The following KRT10 variants were observed in gnomAD, a reference collection of about 807,000 sequenced individuals.
KRT10 encodes keratin, type I cytoskeletal 10.
Under a neutral mutation model 59.2 loss-of-function variants are expected in KRT10, and 40 were observed. The observed-to-expected ratio is 0.68, with a 90% confidence interval of 0.52 to 0.88. KRT10 has a LOEUF of 0.88. Ranked by LOEUF, KRT10 falls within the 40% of genes least tolerant of loss-of-function variation. The pLI, the probability that KRT10 is intolerant of heterozygous loss-of-function variation, is 0.00. For missense variants in KRT10, 719 were observed against 749.1 expected (o/e 0.96, Z 0.47); for synonymous variants, 336 against 310.7 (o/e 1.08, Z -0.86).
rs1386144303 is a variant in KRT10, at chr17:40,819,112, C to T, written c.1423G>A (p.Gly475Ser). Residue 475 changes from glycine (G) to serine (S), a missense_variant, in exon 7 of 8, where the codon GGC (glycine) becomes AGC (serine). Around this residue, in one of 4 missense-constraint regions of KRT10, gnomAD observed 315 missense variants for 270.6 expected, o/e 1.16. Transcript: ENST00000269576. ...GAGCTTCCGCCGCCGGAGCTTCCGC[C>T]GCCGTAGCCGCCGCCGAAACTTCCG... ...GGGSFGGGYGGGSSGGGSSGG... is the reference protein window; with the variant it reads ...GGGSFGGGYGSGSSGGGSSGG... 3 of 1,494,230 alleles carry T rather than the reference C, an allele frequency of 2.0e-6. No individual in the cohort carries two copies. The highest frequency in any genetic ancestry group is 1.2e-5 in the South Asian group (1 of 80,776). 92.6% of individuals were successfully genotyped at this position (1,494,230 alleles called of 1,614,324 possible). A position where few individuals can be genotyped will look rare whatever the true frequency, so the allele number is the denominator to read the frequency against.
In KRT10 at chr17:40,819,107, T is replaced by TGG. The variant is rs1905221974; in HGVS notation, c.1427_1428insCC (p.Ser477GlnfsTer143). On this transcript the variant is annotated frameshift_variant, in exon 7 of 8. Coordinates refer to ENST00000269576, the MANE Select transcript of KRT10 (RefSeq NM_000421.5). LOFTEE classifies it high-confidence loss of function. ...CGCCGGAGCTTCCGCCGCCGGAGCTTCCGCCGCCGTAGCCGCCGCCGAAAC... is the reference window on the plus strand; with the variant it reads ...CGCCGGAGCTTCCGCCGCCGGAGCTTGGCCGCCGCCGTAGCCGCCGCCGAAAC... 5 of 1,461,514 alleles carry TGG rather than the reference T, an allele frequency of 3.4e-6. No homozygotes were observed. The South Asian group carries it at 6.4e-5, about 19-fold the overall frequency. 90.5% of individuals were successfully genotyped at this position (1,461,514 alleles called of 1,614,324 possible). A position where few individuals can be genotyped will look rare whatever the true frequency, so the allele number is the denominator to read the frequency against.
chr17:40,822,311 C>G lies in KRT10; in HGVS notation c.275G>C (p.Ser92Thr). ...GCCTCCATAACTCCCACCAAAGCTG[C>G]TACTTCCATAGCTTCCACGAAAGCT... The part of the protein sequence containing the change: ...GGSFRGSYGS[S>T]SFGGSYGGIF... The change falls in exon 1 of 8, where the codon AGC becomes ACC. Residue 92 changes from serine (S) to threonine (T), a missense_variant. Ser to Thr is a moderately conservative substitution (Grantham distance 58). Around this residue, in one of 4 missense-constraint regions of KRT10, gnomAD observed 176 missense variants for 175.7 expected, o/e 1.00. Coordinates refer to ENST00000269576, the MANE Select transcript of KRT10 (RefSeq NM_000421.5). 1 of 1,598,094 alleles carries G rather than the reference C, an allele frequency of 6.3e-7. No individual in the cohort carries two copies. Among genetic ancestry groups the G allele is most frequent in the Non-Finnish European group, 8.5e-7 (1 of 1,171,170 alleles).
In KRT10 at chr17:40,822,272, C is replaced by G. The variant is rs1244658350; in HGVS notation, c.314G>C (p.Gly105Ala). Reference sequence around the variant, plus strand: ...ACCAAAGCTGCCACCTCCGAAACTGCCCCCTCCAAAGATGCCTCCATAACT... The same window carrying G: ...ACCAAAGCTGCCACCTCCGAAACTGGCCCCTCCAAAGATGCCTCCATAACT... Reference protein sequence around the residue: ...GGSYGGIFGGGSFGGGSFGGG... With the variant: ...GGSYGGIFGGASFGGGSFGGG... Residue 105 changes from glycine to alanine, a missense_variant, in exon 1 of 8, where the codon GGC (glycine) becomes GCC (alanine). Transcript: ENST00000269576. The G allele has an allele frequency of 6.2e-7, 1 of 1,602,220 alleles. No homozygotes were observed. The highest frequency in any genetic ancestry group is 2.2e-5 in the East Asian group (1 of 44,666).
intron 5 of KRT10, 149 bp downstream of exon 5, chr17:40,819,900 A>T: frequency 9.1e-7 from 1 of 1,098,052 alleles, no homozygotes; most frequent in Non-Finnish European, 1.4e-6. Context: ...GATCAACACT[A>T]GTAGTACTTT....
intron 2 of KRT10, 123 bp from the exon 3 acceptor site, chr17:40,820,790 G>A: frequency 8.7e-7 from 1 of 1,155,298 alleles, no homozygotes; most frequent in South Asian, 1.3e-5. Context: ...GTCATGTACA[G>A]TTCTCTTAGA....
Position 40,822,344 on chromosome 17 carries a change from C to T in KRT10, c.242G>A (p.Gly81Asp). 1 of 1,599,050 alleles carries T rather than the reference C, an allele frequency of 6.3e-7. No individual in the cohort carries two copies. The highest frequency in any genetic ancestry group is 8.5e-7 in the Non-Finnish European group (1 of 1,171,702). ...SGGYGGLGGF[G>D]GGSFRGSYGS... ...ATAGCTTCCACGAAAGCTACCTCCACCAAAACCTCCTAATCCTCCATAGCC... is the reference window on the plus strand; with the variant it reads ...ATAGCTTCCACGAAAGCTACCTCCATCAAAACCTCCTAATCCTCCATAGCC... The change falls in exon 1 of 8, where the codon GGT becomes GAT. Residue 81 changes from glycine to aspartate, a missense_variant. Coordinates refer to ENST00000269576, the MANE Select transcript of KRT10 (RefSeq NM_000421.5).
rs756899891 is a variant in KRT10 at position 40,818,885 on chromosome 17, G to GCCGCCGCCGTAT, written c.1649_1650insATACGGCGGCGG (p.Gly550_Ser551insTyrGlyGlyGly). On this transcript the variant is annotated inframe_insertion, in exon 7 of 8. Coordinates refer to ENST00000269576, the MANE Select transcript of KRT10 (RefSeq NM_000421.5). ...CGCCGTATCCGCCGCCGGAGCTGCT[G>GCCGCCGCCGTAT]CCGCCGCCGGAGCTGCCGCCCCCGT... is the stretch of plus-strand genomic sequence containing the variant. The GCCGCCGCCGTAT allele has an allele frequency of 4.0e-3, 5,978 of 1,499,156 alleles. 22 individuals are homozygous for GCCGCCGCCGTAT. Among genetic ancestry groups the GCCGCCGCCGTAT allele is most frequent in the African/African-American group, 7.6e-3 (520 of 68,058 alleles). 92.9% of individuals were successfully genotyped at this position (1,499,156 alleles called of 1,614,324 possible). A position where few individuals can be genotyped will look rare whatever the true frequency, so the allele number is the denominator to read the frequency against.
At chr17:40,819,427 T>G in intron 6 of KRT10, 90 bp downstream of exon 6, 1 of 1,357,632 alleles carries the variant, frequency 7.4e-7, no homozygotes, top group African/African-American at 1.4e-5. Flanking sequence ...TTCCTCTCAT[T>G]CTCTGGCATC....
intron 1 of KRT10, 97 bp downstream of exon 1, chr17:40,821,862 A>G (rs1597822037): frequency 7.9e-7 from 1 of 1,259,890 alleles, no homozygotes; most frequent in East Asian, 2.3e-5. Flanking sequence ...TAACATGGGT[A>G]AGCATAGTGA....
Position 40,822,489 on chromosome 17 carries a change from A to G in KRT10, c.97T>C (p.Ser33Pro). 2 of 1,613,428 alleles carry G rather than the reference A, an allele frequency of 1.2e-6. No homozygotes were observed. Among genetic ancestry groups the G allele is most frequent in the South Asian group, 1.1e-5 (1 of 91,042 alleles). The change falls in exon 1 of 8, where the codon TCC becomes CCC. Residue 33 changes from serine to proline, a missense_variant. This residue lies in a region of KRT10 where 176 missense variants were observed against 175.7 expected (regional missense o/e 1.00). Coordinates refer to ENST00000269576, the MANE Select transcript of KRT10 (RefSeq NM_000421.5). The part of the protein sequence containing the change: ...GGCGGGGGVS[S>P]LRISSSKGSL... ...CCTTTGCTGCTAGAAATTCTTAGGG[A>G]TGACACTCCTCCTCCTCCTCCACAT...
At chr17:40,820,938 A>G (rs1474609625) in intron 2 of KRT10, 97 bp downstream of exon 2, 1 of 1,059,360 alleles carries the variant, frequency 9.4e-7, no homozygotes, top group Non-Finnish European at 1.4e-6. Context: ...GGGTGAATTC[A>G]GAAAAATGTA....
rs777413527 is a variant in KRT10, at chr17:40,821,065, G to T, written c.680C>A (p.Ala227Asp). 1.9e-6 allele frequency: 3 copies of T among 1,613,786 alleles called. No homozygotes were observed. Among genetic ancestry groups the T allele is most frequent in the Non-Finnish European group, 2.5e-6 (3 of 1,179,714 alleles). Residue 227 changes from alanine (A) to aspartate (D), a missense_variant, in exon 2 of 8, where the codon GCC (alanine) becomes GAC (aspartate). Ala to Asp is a moderately radical substitution (Grantham distance 126). Coordinates refer to ENST00000269576, the MANE Select transcript of KRT10 (RefSeq NM_000421.5). ...CCTGAAGTCATCAGCTGCCAGCCTGGCATTGTCGATCTGAAGCAGGATGTT... is the reference window on the plus strand; with the variant it reads ...CCTGAAGTCATCAGCTGCCAGCCTGTCATTGTCGATCTGAAGCAGGATGTT... ...NANILLQIDN[A>D]RLAADDFRLK...
intron 1 of KRT10, 80 bp downstream of exon 1, chr17:40,821,879 A>G (rs1489193691): frequency 2.1e-6 from 3 of 1,436,376 alleles, no homozygotes; most frequent in Admixed American, 1.7e-5. Flanking sequence ...GTGAACAGCC[A>G]CATTGTGCTT....
rs201647202 is a variant in KRT10 at position 40,821,921 on chromosome 17, A to G, written c.627+38T>C. 814 of 1,605,364 alleles carry G rather than the reference A, an allele frequency of 5.1e-4. 1 individual carries two copies. Among genetic ancestry groups the G allele is most frequent in the Non-Finnish European group, 6.4e-4 (749 of 1,171,978 alleles). ...AGATTCATCTGTCTGGATTACATGG[A>G]CAAGATACTTAAAGCTGGATTTAAA... On this transcript the variant is annotated intron_variant, in intron 1 of 7. Transcript: ENST00000269576.
In KRT10 at chr17:40,820,494, TA is replaced by T; in HGVS notation, c.867+16del. On this transcript the variant is annotated intron_variant, in intron 3 of 7. Coordinates refer to ENST00000269576, the MANE Select transcript of KRT10 (RefSeq NM_000421.5). ...TGAACTCTCTTTTGGCTGGGAAAAG[TA>T]TAACTTTTGTGTCACCTCCTCGTGG... The T allele has an allele frequency of 6.2e-7, 1 of 1,614,192 alleles. No individual in the cohort carries two copies. Among genetic ancestry groups the T allele is most frequent in the Non-Finnish European group, 8.5e-7 (1 of 1,180,022 alleles).
chr17:40,818,911 AGCCGCCGCCGCC>A lies in KRT10; in HGVS notation c.1612_1623del (p.Gly538_Gly541del), dbSNP rs759327325. 1.4e-5 allele frequency: 18 copies of A among 1,245,836 alleles called. No homozygotes were observed. Among genetic ancestry groups the A allele is most frequent in the Non-Finnish European group, 1.8e-5 (18 of 993,120 alleles). 77.2% of individuals were successfully genotyped at this position (1,245,836 alleles called of 1,614,324 possible). A position where few individuals can be genotyped will look rare whatever the true frequency, so the allele number is the denominator to read the frequency against. On this transcript the variant is annotated inframe_deletion, in exon 7 of 8. Transcript: ENST00000269576. ...CCGCCGCCGGAGCTGCCGCCCCCGT[AGCCGCCGCCGCC>A]GCCGCCGGAACTGCCACCACCGTAG...
intron 7 of KRT10, 49 bp downstream of exon 7, chr17:40,818,738 C>G (rs1169750790): frequency 6.3e-7 from 1 of 1,598,770 alleles, no homozygotes; most frequent in African/African-American, 1.3e-5. Flanking sequence ...AAAAAACCAT[C>G]ACAGGAAGTT....
Position 40,821,083 on chromosome 17 carries a change from A to G in KRT10, c.662T>C (p.Leu221Pro). Residue 221 changes from leucine (L) to proline (P), a missense_variant, in exon 2 of 8, where the codon CTG becomes CCG. By Grantham distance (98) the Leu-to-Pro change is moderately conservative. Coordinates refer to ENST00000269576, the MANE Select transcript of KRT10 (RefSeq NM_000421.5). ...CAGCCTGGCATTGTCGATCTGAAGC[A>G]GGATGTTGGCATTATCAGTTGTTAG... is the stretch of plus-strand genomic sequence containing the variant. ...LNLTTDNANI[L>P]LQIDNARLAA... The G allele has an allele frequency of 6.2e-7, 1 of 1,614,060 alleles. No homozygotes were observed.
rs1395002512 is a variant in KRT10, at chr17:40,822,353, C to G, written c.233G>C (p.Gly78Ala). The G allele has an allele frequency of 6.2e-7, 1 of 1,604,112 alleles. No homozygotes were observed. Among genetic ancestry groups the G allele is most frequent in the South Asian group, 1.1e-5 (1 of 89,822 alleles). ...ACGAAAGCTACCTCCACCAAAACCT[C>G]CTAATCCTCCATAGCCACCTGATGA... ...GGSSGGYGGL[G>A]GFGGGSFRGS... The change falls in exon 1 of 8, where the codon GGA (glycine) becomes GCA (alanine). Residue 78 changes from glycine to alanine, a missense_variant. This residue lies in a region of KRT10 where 176 missense variants were observed against 175.7 expected (regional missense o/e 1.00). Coordinates refer to ENST00000269576, the MANE Select transcript of KRT10 (RefSeq NM_000421.5).
Sources: gnomAD v4.1 joint callset for allele counts on GRCh38, gnomAD v4.1.1 for gene constraint, gnomAD v4.1.1 regional missense constraint, MANE v1.5 for transcripts, NCBI Gene and HGNC (gene_info 2026-07-23, HGNC 2026-07-21) for gene names.